The following MYH7 variants were observed in gnomAD, a reference collection of about 807,000 sequenced individuals.
MYH7 encodes the protein myosin-7.
MYH7 carries 129 observed loss-of-function variants against 225.4 expected under a neutral mutation model. The ratio of observed to expected loss-of-function variants is 0.57; its 90% CI spans 0.50 to 0.66. The LOEUF (loss-of-function observed/expected upper bound fraction) is 0.66, where lower values mean the gene tolerates loss of function less well. Ranked by LOEUF, MYH7 falls within the 30% of genes least tolerant of loss-of-function variation. MYH7 has a pLI of 0.00. For synonymous variants in MYH7, 971 were observed against 1,007.6 expected, an observed-to-expected ratio of 0.96 and a Z score of 0.69; for missense variants, 1,649 against 2,517.0, an observed-to-expected ratio of 0.66 and a Z score of 7.38.
At chr14:23,429,994 A>G in intron 11 of MYH7, 81 bp from the exon 12 acceptor site, 1 of 1,544,880 alleles carries the variant, frequency 6.5e-7, no homozygotes, top group Non-Finnish European at 8.9e-7. Context: ...TTGGAGAGAA[A>G]ACTTGTCTCC....
At chr14:23,427,546 C>A in intron 16 of MYH7, 39 bp downstream of exon 16, 1 of 1,610,360 alleles carries the variant, frequency 6.2e-7, no homozygotes, top group South Asian at 1.1e-5. Context: ...TTGGCAGAAT[C>A]CCTGCTCCTC....
At chr14:23,413,361 A>G (rs1328598638) in intron 39 of MYH7, among the ~76,000 whole-genome samples, 2 of 152,034 alleles carry the variant, frequency 1.3e-5, no homozygotes, top group East Asian at 3.9e-4. Context: ...AGTGGATCAC[A>G]AGGTCAGGAG....
rs748463617 is a variant in MYH7 at position 23,417,699 on chromosome 14, G to C, written c.4170-13C>G. 6.2e-7 allele frequency: 1 copy of C among 1,612,150 alleles called. No homozygotes were observed. Among genetic ancestry groups the C allele is most frequent in the South Asian group, 1.1e-5 (1 of 91,008 alleles). The stretch of plus-strand genomic sequence containing the variant: ...GGCCAGCTTCTTCCTGCCCAGGGGA[G>C]GGTGGCAGAGGGTGGGGAGGATGGA... On this transcript the variant is annotated splice_polypyrimidine_tract_variant and intron_variant, in intron 30 of 39. Transcript: ENST00000355349.
In MYH7 at chr14:23,412,813, G is replaced by A; in HGVS notation, c.*41C>T. 1 of 1,612,728 alleles carries A rather than the reference G, an allele frequency of 6.2e-7. No homozygotes were observed. The highest frequency in any genetic ancestry group is 8.5e-7 in the Non-Finnish European group (1 of 1,178,800). Reference sequence around the variant, plus strand: ...TACACAGGCTCCAGCATGGGGCTTTGCTGGCACCTCCAGGGCTGAGCAGAT... The same window carrying A: ...TACACAGGCTCCAGCATGGGGCTTTACTGGCACCTCCAGGGCTGAGCAGAT... On this transcript the variant is annotated 3_prime_UTR_variant, in exon 40 of 40. Coordinates refer to ENST00000355349, the MANE Select transcript of MYH7 (RefSeq NM_000257.4).
chr14:23,431,007 C>G lies in MYH7; in HGVS notation c.797-8G>C. 2 of 1,594,348 alleles carry G rather than the reference C, an allele frequency of 1.3e-6. No homozygotes were observed. The highest frequency in any genetic ancestry group is 1.7e-6 in the Non-Finnish European group (2 of 1,162,076). ...TGGATTTTTCCAGAAGATCTGTGAA[C>G]AGGTGGGGAGAAGAAGGAGAGAAAG... is the stretch of plus-strand genomic sequence containing the variant. On this transcript the variant is annotated splice_region_variant and splice_polypyrimidine_tract_variant and intron_variant, in intron 9 of 39. Transcript: ENST00000355349.
In MYH7 at chr14:23,434,627, C is replaced by T. The variant is rs144671282; in HGVS notation, c.-64-378G>A. On this transcript the variant is annotated intron_variant, in intron 1 of 39. Coordinates refer to ENST00000355349, the MANE Select transcript of MYH7 (RefSeq NM_000257.4). ...TTCAATGCACTTTCTCCTACTCAGT[C>T]TTCACCCCATTTGACAGATGAGGAA... 8.3e-3 allele frequency among the ~76,000 whole-genome samples: 1,267 copies of T among 152,318 alleles called. 34 individuals are homozygous for T. Among genetic ancestry groups the T allele is most frequent in the Admixed American group, 0.053 (816 of 15,302 alleles).
In MYH7 at chr14:23,433,844, AGAGTCAAGAG is replaced by A; in HGVS notation, c.-8-114_-8-105del. Reference sequence around the variant, plus strand: ...GCCCCAAAACCTAGCACCATGCTCAAGAGTCAAGAGGAGTTACCAGTGAGTCCCTTCCTCT... The same window carrying A: ...GCCCCAAAACCTAGCACCATGCTCAAGAGTTACCAGTGAGTCCCTTCCTCT... On this transcript the variant is annotated intron_variant, in intron 2 of 39. Transcript: ENST00000355349. This position sits in a 1 kb window ranked among gnomAD's most constrained non-coding sequence, Gnocchi z 4.1. 8.6e-7 allele frequency: 1 copy of A among 1,158,340 alleles called. No homozygotes were observed. The highest frequency in any genetic ancestry group is 1.3e-6 in the Non-Finnish European group (1 of 795,148). The allele number at this position is 1,158,340 out of a possible 1,614,324, so 71.8% of individuals were successfully genotyped here. A position where few individuals can be genotyped will look rare whatever the true frequency, so the allele number is the denominator to read the frequency against.
In MYH7 at chr14:23,427,242, T is replaced by C. The variant is rs727504239; in HGVS notation, c.1954A>G (p.Arg652Gly). The C allele has an allele frequency of 1.9e-6, 3 of 1,613,702 alleles. No homozygotes were observed. Among genetic ancestry groups the C allele is most frequent in the Non-Finnish European group, 2.5e-6 (3 of 1,180,024 alleles). Residue 652 changes from arginine (R) to glycine (G), a missense_variant and splice_region_variant, in exon 17 of 40, where the codon AGG becomes GGG. Arg to Gly is a moderately radical substitution (Grantham distance 125, BLOSUM62 -2). Coordinates refer to ENST00000355349, the MANE Select transcript of MYH7 (RefSeq NM_000257.4). ...SSFQTVSALH[R>G]ENLNKLMTNL... ...GGCTGGGGCTGTGTCCCACTCACCC[T>C]GTGCAGAGCTGACACAGTCTGAAAG...
chr14:23,420,163 G>A lies in MYH7; in HGVS notation c.3408C>T (p.Arg1136=), dbSNP rs947702752. ...RTARAKVEKL[R]SDLSRELEEI... is the part of the protein sequence containing the mutation. The stretch of plus-strand genomic sequence containing the variant: ...CCTCCAGCTCCCGAGACAGGTCTGA[G>A]CGCAGCTTCTCCACCTTAGCCCTGG... Residue 1136 remains arginine (R), a synonymous_variant, in exon 27 of 40, where the codon CGC becomes CGT. Transcript: ENST00000355349. 16 of 1,601,994 alleles carry A rather than the reference G, an allele frequency of 1.0e-5. No individual in the cohort carries two copies. Among genetic ancestry groups the A allele is most frequent in the Non-Finnish European group, 1.2e-5 (14 of 1,175,974 alleles).
intron 26 of MYH7, 55 bp from the exon 27 acceptor site, chr14:23,420,289 C>G: frequency 3.1e-6 from 5 of 1,588,826 alleles, no homozygotes; most frequent in Non-Finnish European, 4.3e-6. Context: ...ACTGGAATCC[C>G]CCCGGCTCTA....
intron 29 of MYH7, 100 bp downstream of exon 29, chr14:23,419,077 G>T: frequency 2.8e-6 from 3 of 1,066,240 alleles, no homozygotes; most frequent in Non-Finnish European, 2.9e-6. Flanking sequence ...GAGAACTGTT[G>T]GTCCACAGCC....
Position 23,417,277 on chromosome 14 carries a change from C to A in MYH7, c.4395G>T (p.Ser1465=), listed in dbSNP as rs397516213. 4.0e-5 allele frequency: 64 copies of A among 1,614,044 alleles called. No homozygotes were observed. The highest frequency in any genetic ancestry group is 2.3e-4 in the South Asian group (21 of 91,088). ...CCTCCTTCTGCGAGGACTCCAGCTC[C>A]GACTGCGACTCCTCATACTTCTGCT... ...EWKQKYEESQ[S]ELESSQKEAR... The change falls in exon 32 of 40, where the codon TCG becomes TCT. Residue 1465 remains serine (S), a synonymous_variant. Transcript: ENST00000355349.
In MYH7 at chr14:23,415,659, A is replaced by T. The variant is rs760420056; in HGVS notation, c.5127T>A (p.Thr1709=). 6.2e-7 allele frequency: 1 copy of T among 1,613,860 alleles called. No homozygotes were observed. Among genetic ancestry groups the T allele is most frequent in the Admixed American group, 1.7e-5 (1 of 60,004 alleles). Residue 1709 remains threonine (T), a synonymous_variant, in exon 35 of 40, where the codon ACT becomes ACA. Coordinates refer to ENST00000355349, the MANE Select transcript of MYH7 (RefSeq NM_000257.4). The surrounding 1 kb of genome is among the most constrained non-coding windows in gnomAD (Gnocchi z 6.3). Reference sequence around the variant, plus strand: ...AATGCAGCAGCTGCACCCGCTCACTAGTCTCAATCAGCTCCTGCTCCGCCA... The same window carrying T: ...AATGCAGCAGCTGCACCCGCTCACTTGTCTCAATCAGCTCCTGCTCCGCCA... ...RKLAEQELIE[T]SERVQLLHSQ... is the part of the protein sequence containing the mutation.
rs397516161 is a variant in MYH7 at position 23,424,148 on chromosome 14, T to C, written c.2681A>G (p.Glu894Gly). 2.5e-6 allele frequency: 4 copies of C among 1,614,088 alleles called. No individual in the cohort carries two copies. Among genetic ancestry groups the C allele is most frequent in the Non-Finnish European group, 3.4e-6 (4 of 1,180,052 alleles). ...CTCAGCATCTGCCAGGTTGTCTTGT[T>C]CCTGAAGGTGAGGAACAGAGGGGAG... ...KNDLQLQVQA[E>G]QDNLADAEER... Residue 894 changes from glutamate to glycine, a missense_variant and splice_region_variant, in exon 23 of 40, where the codon GAA becomes GGA. Coordinates refer to ENST00000355349, the MANE Select transcript of MYH7 (RefSeq NM_000257.4).
At chr14:23,432,942 G>T (rs1372876423) in intron 4 of MYH7, 142 bp downstream of exon 4, 6 of 1,498,108 alleles carry the variant, frequency 4.0e-6, no homozygotes, top group Non-Finnish European at 5.5e-6. Context: ...TCCCCAGAGT[G>T]TTGGAATTGA....
chr14:23,423,224 C>T (rs1307162674), intron 24 of MYH7, among the ~76,000 whole-genome samples: 2 of 152,018 alleles, frequency 1.3e-5, no homozygotes, highest in Non-Finnish European at 2.9e-5. Context: ...TATGAGATGA[C>T]CCTCTAAATC....
At chr14:23,419,156 T>C (rs1892356702) in intron 29 of MYH7, 21 bp downstream of exon 29, 4 of 1,609,406 alleles carry the variant, frequency 2.5e-6, no homozygotes, top group Non-Finnish European at 3.4e-6. Flanking sequence ...TTGGGCCAGG[T>C]GGCCCGAGTC....
intron 4 of MYH7, 117 bp downstream of exon 4, chr14:23,432,967 G>A: frequency 6.5e-7 from 1 of 1,534,848 alleles, no homozygotes; most frequent in Middle Eastern, 1.7e-4. Context: ...AGGATGTTGG[G>A]ACGAGGTTAG....
intron 10 of MYH7, 40 bp from the exon 11 acceptor site, chr14:23,430,703 C>T (rs373388190): frequency 4.4e-5 from 68 of 1,557,126 alleles, no homozygotes; most frequent in Non-Finnish European, 5.5e-5. Context: ...CACAAGCCCC[C>T]GGCTCTCATG....
Sources: allele counts gnomAD v4.1 joint callset (sites outside exome capture counted in the v4.1 genomes callset), GRCh38; gene constraint gnomAD v4.1.1; non-coding constraint Gnocchi (gnomAD v3.1); transcripts MANE v1.5; gene names NCBI Gene and HGNC (gene_info 2026-07-23, HGNC 2026-07-21).